SULF2: variants seen among roughly 807,000 people sequenced by gnomAD.
SULF2 encodes sulfatase 2.
SULF2 carries 52 observed loss-of-function variants against 107.7 expected under a neutral mutation model. The observed-to-expected ratio is 0.48, with a 90% CI of 0.39 to 0.61. SULF2 has a LOEUF of 0.61. SULF2 is among the 20% of genes least tolerant of loss of function. SULF2 has a pLI of 0.00. For missense variants in SULF2, 993 were observed against 1,177.3 expected (o/e 0.84, Z 2.29); for synonymous variants, 460 against 464.3 (o/e 0.99, Z 0.12).
chr20:47,737,078 G>A (rs1288037468), intron 2 of SULF2, 136 bp from the exon 3 acceptor site: 6 of 1,295,666 alleles, frequency 4.6e-6, no homozygotes, highest in Non-Finnish European at 6.4e-6. Context: ...CGGGGCAGGG[G>A]CCACTGCTGC....
At chr20:47,706,320 C>T (rs1177924191) in intron 3 of SULF2, among the ~76,000 whole-genome samples, 2 of 152,112 alleles carry the variant, frequency 1.3e-5, no homozygotes, top group Non-Finnish European at 2.9e-5. Context: ...GGCCTCTCTC[C>T]ATGCTCTCCC....
chr20:47,753,402 G>C (rs62200234), intron 2 of SULF2, among the ~76,000 whole-genome samples: 24,057 of 152,194 alleles, frequency 0.16, 2,547 homozygotes, highest in African/African-American at 0.3. Flanking sequence ...TCCTGCTGAT[G>C]AGGCCAAGAA....
At chr20:47,731,765 G>C (rs2089619419) in intron 3 of SULF2, among the ~76,000 whole-genome samples, 1 of 152,192 alleles carries the variant, frequency 6.6e-6, no homozygotes, top group African/African-American at 2.4e-5. Flanking sequence ...CTTCAAAGTG[G>C]AGGGAACAAT....
At chr20:47,747,250 C>T (rs982587670) in intron 2 of SULF2, among the ~76,000 whole-genome samples, 1 of 152,166 alleles carries the variant, frequency 6.6e-6, no homozygotes. Context: ...CTGGTTTCAG[C>T]TACGAAAAGC....
At chr20:47,710,957 C>T (rs1339914633) in intron 3 of SULF2, among the ~76,000 whole-genome samples, 2 of 152,186 alleles carry the variant, frequency 1.3e-5, no homozygotes, top group Non-Finnish European at 2.9e-5. Flanking sequence ...CTGAAATTGC[C>T]TTGTAATAAT....
chr20:47,697,228 G>A (rs141855744), intron 4 of SULF2, among the ~76,000 whole-genome samples: 59 of 152,244 alleles, frequency 3.9e-4, no homozygotes, highest in African/African-American at 1.3e-3. Context: ...TGCCATTAGC[G>A]CTTGTCCTGT....
intron 1 of SULF2, among the ~76,000 whole-genome samples, chr20:47,780,417 G>T (rs2090809094): frequency 6.6e-6 from 1 of 152,158 alleles, no homozygotes; most frequent in African/African-American, 2.4e-5. Context: ...TACCTGGCAT[G>T]CTCTTCCCCC....
chr20:47,714,214 G>A (rs542204397), intron 3 of SULF2, among the ~76,000 whole-genome samples: 24 of 152,270 alleles, frequency 1.6e-4, no homozygotes, highest in Non-Finnish European at 2.9e-4. Context: ...CCAGTTGTCC[G>A]CGTGCCTCTC....
At chr20:47,766,695 C>G (rs1298511609) in intron 1 of SULF2, among the ~76,000 whole-genome samples, 2 of 152,244 alleles carry the variant, frequency 1.3e-5, no homozygotes, top group East Asian at 3.9e-4. Flanking sequence ...TTGAAAGATT[C>G]CAGCTACATG....
chr20:47,730,308 A>G (rs2146749308), intron 3 of SULF2, among the ~76,000 whole-genome samples: 1 of 152,312 alleles, frequency 6.6e-6, no homozygotes, highest in South Asian at 2.1e-4. Context: ...GAAAGTCTGG[A>G]CCGGATGGCA....
intron 1 of SULF2, among the ~76,000 whole-genome samples, chr20:47,778,840 T>TG (rs57436301): frequency 1.0e-3 from 159 of 152,174 alleles, no homozygotes; most frequent in African/African-American, 3.7e-3. Flanking sequence ...AGGGGGAGGC[T>TG]GGGGGGAGAA....
chr20:47,663,217 C>T lies in SULF2; in HGVS notation c.2228-5G>A, dbSNP rs927042795. The T allele has an allele frequency of 6.2e-7, 1 of 1,613,886 alleles. No individual in the cohort carries two copies. The highest frequency in any genetic ancestry group is 8.5e-7 in the Non-Finnish European group (1 of 1,180,004). On this transcript the variant is annotated splice_region_variant and splice_polypyrimidine_tract_variant and intron_variant, in intron 16 of 20. Transcript: ENST00000688720. ...TGCAGGCACAGAAAGGCCCCACTGC[C>T]AAGGAAGAGAGAGCATGTCCTGAGT...
rs7260766 is a variant in SULF2 at position 47,756,123 on chromosome 20, G to A, written c.175+1066C>T. Among the ~76,000 whole-genome samples the A allele has an allele frequency of 9.8e-3, 1,497 of 152,270 alleles. 23 individuals carry two copies. Among genetic ancestry groups the A allele is most frequent in the African/African-American group, 0.034 (1,430 of 41,534 alleles). ...TAAGCATGACTATAGCCGAAACAGC[G>A]TCGGGGCTACACAATGTGAGACCAA... On this transcript the variant is annotated intron_variant, in intron 2 of 20. Transcript: ENST00000688720.
Position 47,665,224 on chromosome 20 carries a change from C to G in SULF2, c.1972G>C (p.Glu658Gln). The change falls in exon 14 of 21, where the codon GAA (glutamate) becomes CAA (glutamine). Residue 658 changes from glutamate (E) to glutamine (Q), a missense_variant. Coordinates refer to ENST00000688720, the MANE Select transcript of SULF2 (RefSeq NM_001387048.1). ...CTGATTTTGTGACAGTCACATTCTTCTGGCCGCTTTTTCTTCAGGTGACCT... is the reference window on the plus strand; with the variant it reads ...CTGATTTTGTGACAGTCACATTCTTGTGGCCGCTTTTTCTTCAGGTGACCT... ...VRGHLKKKRP[E>Q]ECDCHKISYH... The G allele has an allele frequency of 6.2e-7, 1 of 1,614,088 alleles. No individual in the cohort carries two copies. Among genetic ancestry groups the G allele is most frequent in the Non-Finnish European group, 8.5e-7 (1 of 1,179,918 alleles).
chr20:47,755,304 GTATCTGCATACGCTGTTGGTTTCCTTA>G (rs2090255342), intron 2 of SULF2, among the ~76,000 whole-genome samples: 1 of 152,156 alleles, frequency 6.6e-6, no homozygotes, highest in Non-Finnish European at 1.5e-5. Context: ...TGGTTTCCTT[GTATCTGCATACGCTGTTGGTTTCCTTA>G]TATCTGCATA....
At position 47,678,865 on chromosome 20, in the gene SULF2, G is replaced by T. The variant is rs369365624; in HGVS notation, c.1065-61C>A. On this transcript the variant is annotated intron_variant, in intron 7 of 20. Coordinates refer to ENST00000688720, the MANE Select transcript of SULF2 (RefSeq NM_001387048.1). This position sits in a 1 kb window ranked among gnomAD's most constrained non-coding sequence, Gnocchi z 4.5. Reference sequence around the variant, plus strand: ...AGGTGGTGGTGCCTCAGCCTCGCGTGGGGGGTGGGGAGCGGTAGGTGGGCA... The same window carrying T: ...AGGTGGTGGTGCCTCAGCCTCGCGTTGGGGGTGGGGAGCGGTAGGTGGGCA... The T allele has an allele frequency of 5.4e-5, 81 of 1,488,050 alleles. No individual in the cohort carries two copies. The highest frequency in any genetic ancestry group is 4.3e-4 in the African/African-American group (31 of 72,792). The allele number at this position is 1,488,050 out of a possible 1,614,324, so 92.2% of individuals were successfully genotyped here. A position where few individuals can be genotyped will look rare whatever the true frequency, so the allele number is the denominator to read the frequency against.
At chr20:47,774,153 G>C (rs916356119) in intron 1 of SULF2, among the ~76,000 whole-genome samples, 1 of 152,252 alleles carries the variant, frequency 6.6e-6, no homozygotes. Context: ...TGCGAGTGGA[G>C]TGCCTTTGGA....
intron 2 of SULF2, among the ~76,000 whole-genome samples, chr20:47,744,697 A>G (rs2146832164): frequency 6.6e-6 from 1 of 152,160 alleles, no homozygotes; most frequent in South Asian, 2.1e-4. Context: ...CACTGTGGCC[A>G]CTGTTGTGGC....
chr20:47,752,111 T>C lies in SULF2; in HGVS notation c.175+5078A>G, dbSNP rs556786163. Among the ~76,000 whole-genome samples the C allele has an allele frequency of 3.3e-5, 5 of 152,264 alleles. No homozygotes were observed. The East Asian group carries it at 9.6e-4, about 29-fold the overall frequency. ...TGTTGCTGTTCAGTGCCATGAGACA[T>C]TTAGATTTTAATGTCGTTTTGATAT... is the stretch of plus-strand genomic sequence containing the variant. On this transcript the variant is annotated intron_variant, in intron 2 of 20. Coordinates refer to ENST00000688720, the MANE Select transcript of SULF2 (RefSeq NM_001387048.1).
Sources: allele counts gnomAD v4.1 joint callset (sites outside exome capture counted in the v4.1 genomes callset), GRCh38; gene constraint gnomAD v4.1.1; non-coding constraint Gnocchi (gnomAD v3.1); transcripts MANE v1.5; gene names NCBI Gene and HGNC (gene_info 2026-07-23, HGNC 2026-07-21).